The following CLTB variants were observed in gnomAD, a reference collection of about 807,000 sequenced individuals.
The protein encoded by CLTB is clathrin, light chain (Lcb).
A neutral mutation model predicts 30.5 loss-of-function variants in CLTB; 10 were observed. That is an observed-to-expected ratio of 0.33 (90% confidence interval 0.20 to 0.56). The LOEUF (loss-of-function observed/expected upper bound fraction) is 0.56, where lower values mean the gene tolerates loss of function less well. Ranked by LOEUF, CLTB falls within the 20% of genes least tolerant of loss-of-function variation. The pLI is 0.91. For missense variants in CLTB, 261 were observed against 308.3 expected (o/e 0.85, Z 1.15); for synonymous variants, 102 against 120.3 (o/e 0.85, Z 1.00).
intron 1 of CLTB, among the ~76,000 whole-genome samples, chr5:176,410,992 C>A (rs1463858923): frequency 6.6e-6 from 1 of 152,234 alleles, no homozygotes; most frequent in Non-Finnish European, 1.5e-5. Flanking sequence ...TCCACTCTCT[C>A]CCGCAGCTCA....
intron 2 of CLTB, among the ~76,000 whole-genome samples, chr5:176,408,811 T>G (rs559027665): frequency 6.6e-6 from 1 of 152,350 alleles, no homozygotes; most frequent in East Asian, 1.9e-4. Flanking sequence ...TAAGCCGCCG[T>G]GCCCGGCTGG....
rs568717089 is a variant in CLTB at position 176,415,983 on chromosome 5, C to T, written c.187+194G>A. Reference sequence around the variant, plus strand: ...ATTCCTGTCCCGGGAGTCACCAGATCCACAGCCCCAGGCGAGGCCTCATCC... The same window carrying T: ...ATTCCTGTCCCGGGAGTCACCAGATTCACAGCCCCAGGCGAGGCCTCATCC... On this transcript the variant is annotated intron_variant, in intron 1 of 5. Transcript: ENST00000310418. Among the ~76,000 whole-genome samples, 15 of 152,354 alleles carry T rather than the reference C, an allele frequency of 9.8e-5. No individual in the cohort carries two copies. In the South Asian group the frequency reaches 3.1e-3, roughly 32 times the overall value.
intron 1 of CLTB, 61 bp downstream of exon 1, chr5:176,416,116 C>T: frequency 1.4e-6 from 2 of 1,418,504 alleles, no homozygotes; most frequent in South Asian, 1.5e-5. Context: ...GCCCCTGGGC[C>T]CCGGCCGGGG....
intron 2 of CLTB, among the ~76,000 whole-genome samples, chr5:176,409,694 G>A (rs181690996): frequency 8.1e-4 from 123 of 152,154 alleles, no homozygotes; most frequent in Non-Finnish European, 1.5e-3. Context: ...GATTACAGGC[G>A]TCAGCCACTG....
chr5:176,400,511 C>T (rs887182957), intron 2 of CLTB, among the ~76,000 whole-genome samples: 2 of 152,300 alleles, frequency 1.3e-5, no homozygotes, highest in African/African-American at 2.4e-5. Context: ...GGACCCAAAG[C>T]GCTGAGCACC....
chr5:176,393,042 G>T lies in CLTB; in HGVS notation c.519-97C>A. 1 of 1,353,228 alleles carries T rather than the reference G, an allele frequency of 7.4e-7. No individual in the cohort carries two copies. The highest frequency in any genetic ancestry group is 1.0e-6 in the Non-Finnish European group (1 of 956,130). 83.8% of individuals were successfully genotyped at this position (1,353,228 alleles called of 1,614,324 possible). A position where few individuals can be genotyped will look rare whatever the true frequency, so the allele number is the denominator to read the frequency against. On this transcript the variant is annotated intron_variant, in intron 5 of 5. Coordinates refer to ENST00000310418, the MANE Select transcript of CLTB (RefSeq NM_007097.5). This position sits in a 1 kb window ranked among gnomAD's most constrained non-coding sequence, Gnocchi z 4.4. Reference sequence around the variant, plus strand: ...TTTGCCCAGCCTACTCTGGGGCACTGTGTCCTCCCCAGCCTTGTGCCCCCC... The same window carrying T: ...TTTGCCCAGCCTACTCTGGGGCACTTTGTCCTCCCCAGCCTTGTGCCCCCC...
chr5:176,394,976 C>T (rs1443943857), intron 5 of CLTB, among the ~76,000 whole-genome samples: 31 of 152,230 alleles, frequency 2.0e-4, no homozygotes, highest in Non-Finnish European at 8.8e-5. Context: ...TTGCTGGAAG[C>T]CTCCTGTGGC....
At chr5:176,408,034 T>A (rs903208286) in intron 2 of CLTB, among the ~76,000 whole-genome samples, 1 of 152,168 alleles carries the variant, frequency 6.6e-6, no homozygotes, top group South Asian at 2.1e-4. Flanking sequence ...TGAGTGGGAA[T>A]GAAGGCTCTG....
intron 2 of CLTB, among the ~76,000 whole-genome samples, chr5:176,407,192 G>C (rs1343978753): frequency 6.6e-6 from 1 of 152,166 alleles, no homozygotes; most frequent in Non-Finnish European, 1.5e-5. Flanking sequence ...AAGTCAAATG[G>C]GGTGCACTCC....
intron 2 of CLTB, among the ~76,000 whole-genome samples, chr5:176,404,372 T>G (rs1756992749): frequency 6.6e-6 from 1 of 152,164 alleles, no homozygotes; most frequent in Non-Finnish European, 1.5e-5. Flanking sequence ...GTGAGAAGCG[T>G]CCGGGGCTGC....
At chr5:176,401,393 C>A (rs991156366) in intron 2 of CLTB, among the ~76,000 whole-genome samples, 4 of 152,246 alleles carry the variant, frequency 2.6e-5, no homozygotes, top group African/African-American at 4.8e-5. Flanking sequence ...ACCACCCAAT[C>A]CCCACTCCTT....
At chr5:176,413,725 T>G (rs1489178442) in intron 1 of CLTB, among the ~76,000 whole-genome samples, 1 of 152,208 alleles carries the variant, frequency 6.6e-6, no homozygotes, top group African/African-American at 2.4e-5. Flanking sequence ...AGGGGAAGAT[T>G]ACCTGTTCAG....
chr5:176,395,311 C>T (rs1032579396), intron 5 of CLTB, among the ~76,000 whole-genome samples: 6 of 152,342 alleles, frequency 3.9e-5, no homozygotes, highest in Non-Finnish European at 7.3e-5. Context: ...GCTTCCAGAG[C>T]TCACTGTGTC....
chr5:176,413,695 C>G (rs1193006189), intron 1 of CLTB, among the ~76,000 whole-genome samples: 1 of 152,218 alleles, frequency 6.6e-6, no homozygotes, highest in East Asian at 1.9e-4. Context: ...CATCCAGGCT[C>G]CTGGCACACA....
In CLTB at chr5:176,393,921, C is replaced by G. The variant is rs371742451; in HGVS notation, c.519-976G>C. On this transcript the variant is annotated intron_variant, in intron 5 of 5. Transcript: ENST00000310418. The surrounding 1 kb of genome is among the most constrained non-coding windows in gnomAD (Gnocchi z 4.4). ...GGGTCGCTCACAAGTCCCTGGAAGC[C>G]CCCTCTCCATCTCAAGCAGGACCAG... is the stretch of plus-strand genomic sequence containing the variant. 8.5e-5 allele frequency among the ~76,000 whole-genome samples: 13 copies of G among 152,254 alleles called. No homozygotes were observed. The East Asian group carries it at 1.9e-3, about 23-fold the overall frequency.
intron 4 of CLTB, among the ~76,000 whole-genome samples, 176 bp downstream of exon 4, chr5:176,397,431 C>T (rs1430252192): frequency 1.4e-5 from 2 of 143,408 alleles, no homozygotes; most frequent in Admixed American, 6.9e-5. Context: ...CCCACAGCTC[C>T]CTCATGTCCC....
intron 2 of CLTB, among the ~76,000 whole-genome samples, chr5:176,404,408 G>C (rs1300847792): frequency 6.6e-6 from 1 of 152,236 alleles, no homozygotes; most frequent in East Asian, 1.9e-4. Context: ...ACAGCCCTTT[G>C]GGGCAGCGGA....
rs1756420622 is a variant in CLTB at position 176,394,617 on chromosome 5, A to G, written c.519-1672T>C. Among the ~76,000 whole-genome samples, 3 of 151,738 alleles carry G rather than the reference A, an allele frequency of 2.0e-5. No individual in the cohort carries two copies. In the South Asian group the frequency reaches 6.2e-4, roughly 32 times the overall value. ...CGGATCACGAGGTCAGATGGAGAGCATCCTGGCTAACACGGTGAAACCCCG... is the reference window on the plus strand; with the variant it reads ...CGGATCACGAGGTCAGATGGAGAGCGTCCTGGCTAACACGGTGAAACCCCG... On this transcript the variant is annotated intron_variant, in intron 5 of 5. Coordinates refer to ENST00000310418, the MANE Select transcript of CLTB (RefSeq NM_007097.5).
chr5:176,397,949 C>A lies in CLTB; in HGVS notation c.333G>T (p.Arg111Ser). Residue 111 changes from arginine (R) to serine (S), a missense_variant, in exon 3 of 6, where the codon AGG becomes AGT. Physicochemically the swap from Arg to Ser is moderately radical, Grantham distance 110 (BLOSUM62 -1). This residue lies in a region of CLTB where 123 missense variants were observed against 157.0 expected (regional missense o/e 0.78). Transcript: ENST00000310418. ...CCTCACCCAGCTCTTGCAGCCGTTT[C>A]CTCTGCTCCTCTCGCCACTTGCGGA... ...ESIRKWREEQ[R>S]KRLQELDAAS... is the part of the protein sequence containing the mutation. 1 of 1,614,030 alleles carries A rather than the reference C, an allele frequency of 6.2e-7. No individual in the cohort carries two copies. Among genetic ancestry groups the A allele is most frequent in the African/African-American group, 1.3e-5 (1 of 75,070 alleles).
Sources: allele counts gnomAD v4.1 joint callset (sites outside exome capture counted in the v4.1 genomes callset), GRCh38; gene constraint gnomAD v4.1.1; regional missense constraint gnomAD v4.1.1; non-coding constraint Gnocchi (gnomAD v3.1); transcripts MANE v1.5; gene names NCBI Gene and HGNC (gene_info 2026-07-23, HGNC 2026-07-21).